The following ZMYND12 variants were observed in gnomAD, a reference collection of about 807,000 sequenced individuals.
ZMYND12 encodes the protein zinc finger MYND domain-containing protein 12.
A neutral mutation model predicts 41.7 loss-of-function variants in ZMYND12; 32 were observed. That is an observed-to-expected ratio of 0.77 (90% CI 0.58 to 1.03). The LOEUF is 1.03. Ranked by LOEUF, ZMYND12 falls within the 50% of genes least tolerant of loss-of-function variation. The pLI, the probability that ZMYND12 is intolerant of heterozygous loss-of-function variation, is 0.00. For missense variants in ZMYND12, 424 were observed against 438.5 expected, an observed-to-expected ratio of 0.97 and a Z score of 0.30; for synonymous variants, 148 against 164.8, an observed-to-expected ratio of 0.90 and a Z score of 0.78.
At chr1:42,441,881 A>G (rs1289414608) in intron 3 of ZMYND12, among the ~76,000 whole-genome samples, 1 of 152,192 alleles carries the variant, frequency 6.6e-6, no homozygotes, top group Non-Finnish European at 1.5e-5. Context: ...CGGCCTCCCA[A>G]AGTGCTGGGA....
Position 42,435,266 on chromosome 1 carries a change from C to G in ZMYND12, c.829+8G>C. The G allele has an allele frequency of 6.2e-7, 1 of 1,605,702 alleles. No individual in the cohort carries two copies. Among genetic ancestry groups the G allele is most frequent in the Non-Finnish European group, 8.5e-7 (1 of 1,172,526 alleles). ...ACTGCTCTCCCTTCAGGGAAAACTG[C>G]CACTTACCCAAGCCAGTGTCATTCT... On this transcript the variant is annotated splice_region_variant and intron_variant, in intron 6 of 7. Transcript: ENST00000372565.
intron 1 of ZMYND12, among the ~76,000 whole-genome samples, chr1:42,452,708 A>C (rs1557772021): frequency 6.6e-6 from 1 of 152,314 alleles, no homozygotes; most frequent in East Asian, 1.9e-4. Flanking sequence ...GTCTCAAAAA[A>C]ATAATAAAAA....
intron 6 of ZMYND12, among the ~76,000 whole-genome samples, chr1:42,433,992 T>C (rs2148404262): frequency 6.6e-6 from 1 of 152,328 alleles, no homozygotes; most frequent in Non-Finnish European, 1.5e-5. Context: ...ATTTACATAA[T>C]GAGAGAAAAT....
chr1:42,435,009 G>C (rs1198885895), intron 6 of ZMYND12, among the ~76,000 whole-genome samples: 12 of 151,960 alleles, frequency 7.9e-5, no homozygotes, highest in Non-Finnish European at 4.4e-5. Flanking sequence ...AATCACAGGG[G>C]GCTTTGATGT....
chr1:42,450,207 A>G, intron 1 of ZMYND12, 148 bp from the exon 2 acceptor site: 1 of 822,726 alleles, frequency 1.2e-6, no homozygotes, highest in Middle Eastern at 2.3e-4. Flanking sequence ...TGAGACTCAA[A>G]TCTCTTTCCT....
chr1:42,433,719 A>G (rs1642879003), intron 6 of ZMYND12, among the ~76,000 whole-genome samples: 1 of 152,232 alleles, frequency 6.6e-6, no homozygotes, highest in African/African-American at 2.4e-5. Context: ...TTGCAGCTGC[A>G]GCAGCTTAAC....
chr1:42,440,667 T>TTTG (rs140012893), intron 3 of ZMYND12, among the ~76,000 whole-genome samples: 32 of 151,724 alleles, frequency 2.1e-4, no homozygotes, highest in African/African-American at 7.3e-4. Flanking sequence ...TTGTCCTTTT[T>TTTG]TTGTTGTTGT....
intron 3 of ZMYND12, among the ~76,000 whole-genome samples, chr1:42,445,440 A>G (rs1249919716): frequency 6.6e-6 from 1 of 151,602 alleles, no homozygotes; most frequent in Non-Finnish European, 1.5e-5. Context: ...CTAAAAAAAA[A>G]AAAAAAAAAG....
intron 3 of ZMYND12, among the ~76,000 whole-genome samples, chr1:42,445,431 T>TAA (rs573648674): frequency 2.1e-3 from 220 of 106,674 alleles, no homozygotes; most frequent in South Asian, 7.6e-3. Context: ...GGACTCCGTC[T>TAA]AAAAAAAAAA....
In ZMYND12 at chr1:42,437,852, T is replaced by A. The variant is rs149705718; in HGVS notation, c.595-1309A>T. Reference sequence around the variant, plus strand: ...ACATGCCACCACACCCAGCTAATTTTGTATATTTAGACGGGGTTTCACCAT... The same window carrying A: ...ACATGCCACCACACCCAGCTAATTTAGTATATTTAGACGGGGTTTCACCAT... On this transcript the variant is annotated intron_variant, in intron 4 of 7. Transcript: ENST00000372565. 3.9e-3 allele frequency among the ~76,000 whole-genome samples: 587 copies of A among 152,238 alleles called. 2 individuals are homozygous for A. Among genetic ancestry groups the A allele is most frequent in the African/African-American group, 0.013 (559 of 41,538 alleles).
chr1:42,436,640 C>T lies in ZMYND12; in HGVS notation c.595-97G>A. The stretch of plus-strand genomic sequence containing the variant: ...CTAGAATACATACAAAAAACTGTTA[C>T]AACATTCCAATTTAAAAATGGGCAA... On this transcript the variant is annotated intron_variant, in intron 4 of 7. Coordinates refer to ENST00000372565, the MANE Select transcript of ZMYND12 (RefSeq NM_032257.5). The T allele has an allele frequency of 4.3e-6, 6 of 1,404,474 alleles. No individual in the cohort carries two copies. In the South Asian group the frequency reaches 8.2e-5, roughly 19 times the overall value. The allele number at this position is 1,404,474 out of a possible 1,614,324, so 87.0% of individuals were successfully genotyped here. A position where few individuals can be genotyped will look rare whatever the true frequency, so the allele number is the denominator to read the frequency against.
chr1:42,447,012 A>G lies in ZMYND12; in HGVS notation c.424+1455T>C, dbSNP rs548577081. Among the ~76,000 whole-genome samples the G allele has an allele frequency of 5.8e-4, 88 of 152,320 alleles. 1 individual carries two copies. The highest frequency in any genetic ancestry group is 1.9e-3 in the African/African-American group (80 of 41,572). On this transcript the variant is annotated intron_variant, in intron 3 of 7. Transcript: ENST00000372565. ...GTAATGGATTTAAGCCCATTGAATA[A>G]AGATAAAATACTGATACAAATAACT...
chr1:42,453,254 AG>A (rs1223755740), intron 1 of ZMYND12, among the ~76,000 whole-genome samples: 40 of 152,236 alleles, frequency 2.6e-4, no homozygotes, highest in Non-Finnish European at 7.3e-5. Flanking sequence ...AGCAAGTAAA[AG>A]AAAAAAAATC....
intron 1 of ZMYND12, among the ~76,000 whole-genome samples, chr1:42,452,055 T>C (rs1643088475): frequency 6.6e-6 from 1 of 152,180 alleles, no homozygotes. Context: ...GCTATTATCA[T>C]GTTTTTTTTT....
At chr1:42,432,908 AG>A in intron 7 of ZMYND12, 3 of 476,070 alleles carry the variant, frequency 6.3e-6, no homozygotes, top group Non-Finnish European at 1.1e-5. Flanking sequence ...GCACTGCCTC[AG>A]ACTCTCTTTA....
chr1:42,438,903 ATT>A (rs1642935089), intron 4 of ZMYND12, among the ~76,000 whole-genome samples: 2 of 152,094 alleles, frequency 1.3e-5, no homozygotes, highest in African/African-American at 2.4e-5. Context: ...CTCTGGTAAT[ATT>A]TTCCAGTACT....
intron 5 of ZMYND12, 73 bp from the exon 6 acceptor site, chr1:42,435,458 T>C (rs141358500): frequency 2.1e-5 from 25 of 1,185,180 alleles, no homozygotes; most frequent in Non-Finnish European, 3.0e-5. Context: ...GTGAGGAGAG[T>C]AGCGCATTTG....
intron 1 of ZMYND12, 134 bp downstream of exon 1, chr1:42,455,754 C>T (rs771091200): frequency 1.2e-4 from 76 of 626,290 alleles, no homozygotes; most frequent in Non-Finnish European, 1.9e-4. Context: ...GTCTTAGGGG[C>T]CTGTCTTAAA....
Position 42,430,597 on chromosome 1 carries a change from A to G in ZMYND12, c.*139T>C. 1 of 1,117,284 alleles carries G rather than the reference A, an allele frequency of 9.0e-7. No individual in the cohort carries two copies. Among genetic ancestry groups the G allele is most frequent in the East Asian group, 2.4e-5 (1 of 42,068 alleles). The allele number at this position is 1,117,284 out of a possible 1,614,324, so 69.2% of individuals were successfully genotyped here. ...TAATATGCTGTGTAAGAAAAAAATA[A>G]CAGCTATGTGTGCAATCCCAGGGGA... On this transcript the variant is annotated 3_prime_UTR_variant, in exon 8 of 8. Coordinates refer to ENST00000372565, the MANE Select transcript of ZMYND12 (RefSeq NM_032257.5).
Sources: allele counts gnomAD v4.1 joint callset (sites outside exome capture counted in the v4.1 genomes callset), GRCh38; gene constraint gnomAD v4.1.1; transcripts MANE v1.5; gene names NCBI Gene and HGNC (gene_info 2026-07-23, HGNC 2026-07-21).